UGT2B7: variants seen among roughly 807,000 people sequenced by gnomAD.
UGT2B7 encodes UDP glucuronosyltransferase family 2 member B7.
UGT2B7 carries 51 observed loss-of-function variants against 51.9 expected under a neutral mutation model. That is an observed-to-expected ratio of 0.98 (90% CI 0.78 to 1.24). The LOEUF is 1.24. Among genes scored for constraint, UGT2B7 ranks in the 50% most tolerant of loss-of-function variants. The pLI is 0.00. For synonymous variants in UGT2B7, 225 were observed against 211.6 expected (o/e 1.06, Z -0.55); for missense variants, 727 against 628.4 (o/e 1.16, Z -1.68).
chr4:69,072,121 AT>A (rs1384297798), intron 1 of UGT2B7, among the ~76,000 whole-genome samples: 1 of 152,112 alleles, frequency 6.6e-6, no homozygotes, highest in African/African-American at 2.4e-5. Context: ...TTAGGAAAGT[AT>A]GTGAATATGA....
intron 1 of UGT2B7, among the ~76,000 whole-genome samples, chr4:69,057,884 T>C (rs1358702175): frequency 6.6e-6 from 1 of 152,226 alleles, no homozygotes; most frequent in Admixed American, 6.5e-5. Flanking sequence ...GTTGGCTGGC[T>C]GGCCAAATGT....
intron 1 of UGT2B7, among the ~76,000 whole-genome samples, chr4:69,088,181 T>C (rs1262697053): frequency 6.6e-6 from 1 of 152,264 alleles, no homozygotes; most frequent in East Asian, 1.9e-4. Flanking sequence ...ATCTTTAGGA[T>C]TGCTGATTCC....
intron 1 of UGT2B7, among the ~76,000 whole-genome samples, chr4:69,068,064 C>A (rs1329552006): frequency 1.3e-5 from 2 of 151,998 alleles, no homozygotes; most frequent in African/African-American, 2.4e-5. Context: ...TTATGGAATA[C>A]AAATACATAT....
At chr4:69,102,041 A>G (rs1263998975) in intron 2 of UGT2B7, among the ~76,000 whole-genome samples, 1 of 152,208 alleles carries the variant, frequency 6.6e-6, no homozygotes, top group Non-Finnish European at 1.5e-5. Context: ...TTCCACCTAA[A>G]GAATCACCTG....
intron 5 of UGT2B7, among the ~76,000 whole-genome samples, chr4:69,108,735 A>G (rs182732342): frequency 1.3e-5 from 2 of 152,192 alleles, no homozygotes; most frequent in African/African-American, 4.8e-5. Context: ...CATTATTGTA[A>G]CAGACTTGAA....
chr4:69,081,948 A>G (rs1577914979), intron 1 of UGT2B7, among the ~76,000 whole-genome samples: 1 of 152,186 alleles, frequency 6.6e-6, no homozygotes, highest in East Asian at 1.9e-4. Flanking sequence ...CTACTGACAT[A>G]ATTTTTAAAA....
At chr4:69,074,839 C>T (rs1718669378) in intron 1 of UGT2B7, among the ~76,000 whole-genome samples, 1 of 152,008 alleles carries the variant, frequency 6.6e-6, no homozygotes, top group Middle Eastern at 3.2e-3. Flanking sequence ...AACTGGTGGA[C>T]ATTCTTCCTT....
chr4:69,112,071 A>G (rs990870903), intron 5 of UGT2B7, among the ~76,000 whole-genome samples: 2 of 152,204 alleles, frequency 1.3e-5, no homozygotes, highest in African/African-American at 4.8e-5. Flanking sequence ...ACAAGCAGAC[A>G]GCCCAGTGCC....
rs1577921167 is a variant in UGT2B7 at position 69,096,931 on chromosome 4, G to GA, written c.417dup (p.Val140SerfsTer7). On this transcript the variant is annotated frameshift_variant, in exon 1 of 6. Transcript: ENST00000305231. LOFTEE classifies it high-confidence loss of function. ...ATGTAGTTTCAAATAAGAAATTTAT[G>GA]AAAAAAGTACAAGAGTCAAGATTTG... 2 of 1,610,412 alleles carry GA rather than the reference G, an allele frequency of 1.2e-6. No individual in the cohort carries two copies. Among genetic ancestry groups the GA allele is most frequent in the African/African-American group, 1.3e-5 (1 of 74,632 alleles).
rs561693332 is a variant in UGT2B7, at chr4:69,104,064, G to A, written c.1002+1126G>A. On this transcript the variant is annotated intron_variant, in intron 3 of 5. Transcript: ENST00000305231. ...AGTATTTTCGGAGGCCGAGGCAGGC[G>A]AATCACGAGGTCAGAAGTTCAAGAC... Among the ~76,000 whole-genome samples the A allele has an allele frequency of 5.9e-5, 9 of 152,192 alleles. No homozygotes were observed. The South Asian group carries it at 1.5e-3, about 25-fold the overall frequency.
chr4:69,080,455 C>T (rs565845424), intron 1 of UGT2B7, among the ~76,000 whole-genome samples: 2 of 149,506 alleles, frequency 1.3e-5, no homozygotes, highest in East Asian at 4.0e-4. Context: ...GACTAAGGCA[C>T]AAGAATTGCA....
chr4:69,075,956 TG>T (rs746549846), intron 1 of UGT2B7, among the ~76,000 whole-genome samples: 2 of 151,204 alleles, frequency 1.3e-5, no homozygotes, highest in African/African-American at 2.4e-5. Context: ...CAGGCCCCAC[TG>T]TGTGATGTTC....
intron 1 of UGT2B7, among the ~76,000 whole-genome samples, chr4:69,088,313 T>C (rs535469597): frequency 1.3e-5 from 2 of 149,114 alleles, no homozygotes; most frequent in African/African-American, 5.0e-5. Context: ...TTTGCAAAAT[T>C]TATCATCATT....
chr4:69,078,323 A>G (rs7659987), intron 1 of UGT2B7, among the ~76,000 whole-genome samples: 65,206 of 151,962 alleles, frequency 0.43, 15,552 homozygotes, highest in African/African-American at 0.64. Context: ...AAAATGAGTT[A>G]GGGAGGACTC....
At chr4:69,060,627 G>T (rs771920186) in intron 1 of UGT2B7, among the ~76,000 whole-genome samples, 1 of 152,210 alleles carries the variant, frequency 6.6e-6, no homozygotes, top group Non-Finnish European at 1.5e-5. Context: ...ATCACCCGGT[G>T]GCATACCTAT....
intron 2 of UGT2B7, among the ~76,000 whole-genome samples, chr4:69,100,003 A>G (rs1343712292): frequency 6.6e-6 from 1 of 152,038 alleles, no homozygotes; most frequent in Non-Finnish European, 1.5e-5. Context: ...CTTCCTCAAC[A>G]ATAGAAATGT....
intron 1 of UGT2B7, chr4:69,066,370 A>T (rs952577671): frequency 6.6e-6 from 1 of 152,074 alleles, no homozygotes; most frequent in Admixed American, 6.6e-5. Context: ...ACGTGTTCTC[A>T]TCATTAGGCT....
chr4:69,072,466 A>G (rs1216887427), intron 1 of UGT2B7, among the ~76,000 whole-genome samples: 1 of 152,210 alleles, frequency 6.6e-6, no homozygotes, highest in African/African-American at 2.4e-5. Flanking sequence ...ATCGATGTCA[A>G]GGACAAATGC....
intron 1 of UGT2B7, among the ~76,000 whole-genome samples, chr4:69,076,225 T>C (rs1003581033): frequency 2.6e-5 from 4 of 152,228 alleles, no homozygotes; most frequent in Non-Finnish European, 4.4e-5. Flanking sequence ...TTGTGAACAG[T>C]GCCACAATAA....
Sources: gnomAD v4.1 joint callset for allele counts (sites outside exome capture counted in the v4.1 genomes callset) on GRCh38, gnomAD v4.1.1 for gene constraint, MANE v1.5 for transcripts, NCBI Gene and HGNC (gene_info 2026-07-23, HGNC 2026-07-21) for gene names.